The following NCF2 variants were observed in gnomAD, a reference collection of about 807,000 sequenced individuals.
NCF2 encodes neutrophil cytosol factor 2.
NCF2 carries 45 observed loss-of-function variants against 70.9 expected under a neutral mutation model. The ratio of observed to expected loss-of-function variants is 0.63; its 90% CI spans 0.50 to 0.81. NCF2 has a LOEUF of 0.81. Among genes scored for constraint, NCF2 ranks in the 40% least tolerant of loss-of-function variants. The probability of loss-of-function intolerance (pLI) is 0.00; values close to 1 mark genes in which losing one functional copy is unlikely to be tolerated. For synonymous variants in NCF2, 203 were observed against 233.6 expected (o/e 0.87, Z 1.19); for missense variants, 522 against 631.6 (o/e 0.83, Z 1.86).
At chr1:183,561,779 CTTTTTTTTTTTTTTTTTTTTTTT>C (rs57218247) in intron 13 of NCF2, among the ~76,000 whole-genome samples, 7 of 65,162 alleles carry the variant, frequency 1.1e-4, no homozygotes, top group African/African-American at 4.4e-4. Context: ...TACCAGGCCT[CTTTTTTTTTTTTTTTTTTTTTTT>C]TTTTTTTTTT....
chr1:183,586,468 T>C (rs2102933152), intron 2 of NCF2, among the ~76,000 whole-genome samples: 1 of 152,368 alleles, frequency 6.6e-6, no homozygotes, highest in South Asian at 2.1e-4. Context: ...CTGAAGTATA[T>C]TTCCTCAAAT....
At chr1:183,557,096 C>A (rs192622070) in intron 14 of NCF2, among the ~76,000 whole-genome samples, 53 of 152,264 alleles carry the variant, frequency 3.5e-4, no homozygotes, top group African/African-American at 1.3e-3. Flanking sequence ...ATTCAGACTT[C>A]ATAATAACTT....
chr1:183,582,008 C>T, intron 2 of NCF2, among the ~76,000 whole-genome samples: 1 of 152,238 alleles, frequency 6.6e-6, no homozygotes, highest in East Asian at 1.9e-4. Flanking sequence ...AAGCACCGGC[C>T]TGCTTCCCAG....
At chr1:183,559,504 T>C (rs954314016) in intron 14 of NCF2, among the ~76,000 whole-genome samples, 3 of 152,196 alleles carry the variant, frequency 2.0e-5, no homozygotes, top group African/African-American at 7.2e-5. Context: ...CCAGCCCAAT[T>C]TGTTACCTCT....
At position 183,587,094 on chromosome 1, in the gene NCF2, G is replaced by A. The variant is rs527432152; in HGVS notation, c.175-117C>T. ...GTGCCCAGCTCTGCTGTCTGCCCTC[G>A]TCGGCACCTCGAGGCCCACCCTGTG... On this transcript the variant is annotated intron_variant, in intron 1 of 14. Transcript: ENST00000367535. 70 of 975,722 alleles carry A rather than the reference G, an allele frequency of 7.2e-5. No homozygotes were observed. In the Middle Eastern group the frequency reaches 1.1e-3, roughly 15 times the overall value. 60.4% of individuals were successfully genotyped at this position (975,722 alleles called of 1,614,324 possible).
chr1:183,574,434 C>G (rs1010003677), intron 4 of NCF2, 53 bp downstream of exon 4: 3 of 1,613,512 alleles, frequency 1.9e-6, no homozygotes, highest in East Asian at 2.2e-5. Flanking sequence ...TCCTCTGAGA[C>G]AAATGAGAAT....
upstream of NCF2, among the ~76,000 whole-genome samples, chr1:183,591,481 CTT>C (rs1336269208): frequency 1.2e-4 from 17 of 137,848 alleles, no homozygotes; most frequent in Admixed American, 1.5e-4. Flanking sequence ...CCTGAAATAA[CTT>C]TTTTTTTTTT....
chr1:183,569,197 T>C lies in NCF2; in HGVS notation c.670-12A>G, dbSNP rs1672438199. ...GGAGGCTCAGCTGCCTATTGAACATTCAGGAGAAGTGAAAACGGAAAAGGC... is the reference window on the plus strand; with the variant it reads ...GGAGGCTCAGCTGCCTATTGAACATCCAGGAGAAGTGAAAACGGAAAAGGC... On this transcript the variant is annotated splice_polypyrimidine_tract_variant and intron_variant, in intron 6 of 14. Coordinates refer to ENST00000367535, the MANE Select transcript of NCF2 (RefSeq NM_000433.4). 6.2e-7 allele frequency: 1 copy of C among 1,613,794 alleles called. No homozygotes were observed. The highest frequency in any genetic ancestry group is 8.5e-7 in the Non-Finnish European group (1 of 1,179,830).
intron 8 of NCF2, 38 bp from the exon 9 acceptor site, chr1:183,567,026 AAAGATGTGCT>A: frequency 6.2e-7 from 1 of 1,613,570 alleles, no homozygotes; most frequent in Non-Finnish European, 8.5e-7. Context: ...AGGAAAAAAT[AAAGATGTGCT>A]CATCAGTACC....
intron 3 of NCF2, among the ~76,000 whole-genome samples, chr1:183,576,549 C>T (rs567264805): frequency 5.4e-4 from 83 of 152,312 alleles, no homozygotes; most frequent in African/African-American, 1.9e-3. Context: ...ACCCCTCTCT[C>T]GCCTCTGCTA....
chr1:183,587,670 C>T lies in NCF2; in HGVS notation c.175-693G>A, dbSNP rs903035868. On this transcript the variant is annotated intron_variant, in intron 1 of 14. Transcript: ENST00000367535. ...ACAAAGTGGACTATAAGGGTGCAGA[C>T]ACTAATGGATTATCACCAACAGAAA... is the stretch of plus-strand genomic sequence containing the variant. Among the ~76,000 whole-genome samples the T allele has an allele frequency of 8.4e-5, 12 of 142,880 alleles. No individual in the cohort carries two copies. In the South Asian group the frequency reaches 1.6e-3, roughly 18 times the overall value. 93.7% of individuals were successfully genotyped at this position (142,880 alleles called of 152,430 possible). A position where few individuals can be genotyped will look rare whatever the true frequency, so the allele number is the denominator to read the frequency against.
intron 3 of NCF2, among the ~76,000 whole-genome samples, chr1:183,575,733 A>C (rs906407486): frequency 2.0e-5 from 3 of 152,176 alleles, no homozygotes; most frequent in Non-Finnish European, 4.4e-5. Flanking sequence ...TCATGACAAG[A>C]CTTAGGCAGC....
chr1:183,598,387 A>T, the NCF2 span: 3 of 152,158 alleles, frequency 2.0e-5, no homozygotes, highest in East Asian at 5.8e-4. Flanking sequence ...AACAAACATA[A>T]CCATGTGTTA....
chr1:183,593,702 A>G (rs920943350), upstream of NCF2, among the ~76,000 whole-genome samples: 1 of 152,192 alleles, frequency 6.6e-6, no homozygotes, highest in Non-Finnish European at 1.5e-5. Context: ...TTGTAACTGT[A>G]TGTCATCTGT....
At position 183,560,097 on chromosome 1, in the gene NCF2, C is replaced by G; in HGVS notation, c.1467G>C (p.Lys489Asn). 6.2e-7 allele frequency: 1 copy of G among 1,614,040 alleles called. No individual in the cohort carries two copies. The highest frequency in any genetic ancestry group is 8.5e-7 in the Non-Finnish European group (1 of 1,179,946). The change falls in exon 14 of 15, where the codon AAG becomes AAC. Residue 489 changes from lysine (K) to asparagine (N), a missense_variant and splice_region_variant. Physicochemically the swap from Lys to Asn is moderately conservative, Grantham distance 94 (BLOSUM62 0). Transcript: ENST00000367535. The stretch of plus-strand genomic sequence containing the variant: ...CTATAGTCTTGGAGTAGCACTTACC[C>G]TTTGATAACACCAGGATTATATCCC... Reference protein sequence around the residue: ...QEGDIILVLSKVNEEWLEGEC... With the variant: ...QEGDIILVLSNVNEEWLEGEC...
intron 5 of NCF2, among the ~76,000 whole-genome samples, chr1:183,571,641 G>T (rs10911357): frequency 0.46 from 69,320 of 152,056 alleles, 16,170 homozygotes; most frequent in East Asian, 0.62. Context: ...AAAATCAGAT[G>T]TAAAGCTAGC....
chr1:183,579,385 C>T (rs1388134416), intron 2 of NCF2, among the ~76,000 whole-genome samples: 4 of 152,168 alleles, frequency 2.6e-5, no homozygotes, highest in Admixed American at 1.3e-4. Flanking sequence ...TGGTGAGAAA[C>T]GGCAAGTTAC....
chr1:183,560,212 G>A lies in NCF2; in HGVS notation c.1352C>T (p.Thr451Ile). The A allele has an allele frequency of 6.2e-7, 1 of 1,614,140 alleles. No individual in the cohort carries two copies. Among genetic ancestry groups the A allele is most frequent in the South Asian group, 1.1e-5 (1 of 91,082 alleles). Residue 451 changes from threonine (T) to isoleucine (I), a missense_variant, in exon 14 of 15, where the codon ACA becomes ATA. Physicochemically the swap from Thr to Ile is moderately conservative, Grantham distance 89 (BLOSUM62 -1). Transcript: ENST00000367535. ...GCCTTTCTTAAGCTGAGGTTCTGTT[G>A]TCTGGTTATTAGCATCAGCTTTTTC... ...ESEKADANNQ[T>I]TEPQLKKGSQ...
At chr1:183,573,448 A>G (rs1323217251) in intron 4 of NCF2, among the ~76,000 whole-genome samples, 156 bp from the exon 5 acceptor site, 2 of 152,208 alleles carry the variant, frequency 1.3e-5, no homozygotes, top group African/African-American at 2.4e-5. Flanking sequence ...GTGTTAAGGT[A>G]GGAACCCTTG....
Sources: allele counts gnomAD v4.1 joint callset (sites outside exome capture counted in the v4.1 genomes callset), GRCh38; gene constraint gnomAD v4.1.1; transcripts MANE v1.5; gene names NCBI Gene and HGNC (gene_info 2026-07-23, HGNC 2026-07-21).